NR1H4: variants seen among roughly 807,000 people sequenced by gnomAD.
NR1H4 encodes the protein bile acid receptor.
In NR1H4, 23 loss-of-function variants were observed where a neutral mutation model predicts 58.5. That is an observed-to-expected ratio of 0.39 (90% confidence interval 0.28 to 0.56). NR1H4 has a LOEUF of 0.56. Ranked by LOEUF, NR1H4 falls within the 20% of genes least tolerant of loss-of-function variation. The pLI, the probability that NR1H4 is intolerant of heterozygous loss-of-function variation, is 0.58. For missense variants in NR1H4, 487 were observed against 576.9 expected (o/e 0.84, Z 1.60); for synonymous variants, 214 against 198.0 (o/e 1.08, Z -0.68).
Position 100,515,983 on chromosome 12 carries a change from G to T in NR1H4, c.445+4840G>T, listed in dbSNP as rs985359338. On this transcript the variant is annotated intron_variant, in intron 4 of 10. Transcript: ENST00000392986. ...TTACTGAATCAGAATTTCTGGGAAAGGGGCCCAAGAATCTGTGATTTAACC... is the reference window on the plus strand; with the variant it reads ...TTACTGAATCAGAATTTCTGGGAAATGGGCCCAAGAATCTGTGATTTAACC... 5.2e-4 allele frequency among the ~76,000 whole-genome samples: 79 copies of T among 152,332 alleles called. 1 individual carries two copies. The highest frequency in any genetic ancestry group is 1.7e-3 in the African/African-American group (71 of 41,568).
chr12:100,528,925 G>A (rs910675646), intron 4 of NR1H4, among the ~76,000 whole-genome samples: 2 of 152,142 alleles, frequency 1.3e-5, no homozygotes, highest in Non-Finnish European at 2.9e-5. Context: ...GGGAGGGGTA[G>A]AAGATTATTA....
intron 9 of NR1H4, among the ~76,000 whole-genome samples, chr12:100,543,559 TTGTGTG>T (rs60277729): frequency 6.9e-6 from 1 of 145,634 alleles, no homozygotes; most frequent in Non-Finnish European, 1.5e-5. Context: ...TCTGGACAGA[TTGTGTG>T]TGTGTGTGTG....
intron 3 of NR1H4, among the ~76,000 whole-genome samples, chr12:100,497,374 C>T (rs945398123): frequency 6.6e-6 from 1 of 152,108 alleles, no homozygotes; most frequent in African/African-American, 2.4e-5. Context: ...ATCATCTGAG[C>T]TCGTGTATGA....
At chr12:100,493,435 GAACA>G (rs1236387930) in intron 3 of NR1H4, 33 bp downstream of exon 3, 1 of 1,042,656 alleles carries the variant, frequency 9.6e-7, no homozygotes, top group Admixed American at 1.9e-5. Flanking sequence ...ATATCAATAA[GAACA>G]AACTACGATT....
At chr12:100,529,179 C>G (rs1954632715) in intron 4 of NR1H4, among the ~76,000 whole-genome samples, 1 of 152,180 alleles carries the variant, frequency 6.6e-6, no homozygotes, top group Non-Finnish European at 1.5e-5. Flanking sequence ...AATTCACAAG[C>G]AAGTCCATGA....
intron 9 of NR1H4, among the ~76,000 whole-genome samples, chr12:100,542,362 T>C (rs1344242043): frequency 6.6e-6 from 1 of 151,978 alleles, no homozygotes; most frequent in Admixed American, 6.6e-5. Flanking sequence ...AAAAGAAGCT[T>C]TGTGTCTTAA....
At chr12:100,518,731 GA>G (rs923074077) in intron 4 of NR1H4, among the ~76,000 whole-genome samples, 3 of 149,390 alleles carry the variant, frequency 2.0e-5, no homozygotes, top group African/African-American at 4.9e-5. Flanking sequence ...AAATAGGCAG[GA>G]AAAAAAATGA....
chr12:100,490,786 A>G (rs996882785), intron 1 of NR1H4, among the ~76,000 whole-genome samples: 11 of 152,080 alleles, frequency 7.2e-5, no homozygotes, highest in Admixed American at 6.6e-4. Context: ...GGTCCTGTTA[A>G]TAACAACAAC....
intron 9 of NR1H4, among the ~76,000 whole-genome samples, chr12:100,545,201 G>T (rs111538316): frequency 6.6e-6 from 1 of 152,062 alleles, no homozygotes; most frequent in African/African-American, 2.4e-5. Context: ...CCATTTCCAT[G>T]ATGACCACTG....
chr12:100,554,353 C>A (rs975854157), intron 9 of NR1H4, among the ~76,000 whole-genome samples: 3 of 151,064 alleles, frequency 2.0e-5, no homozygotes, highest in Non-Finnish European at 4.4e-5. Flanking sequence ...ATTTAAGATA[C>A]TAGGATATAT....
At chr12:100,496,695 C>T (rs1176489383) in intron 3 of NR1H4, among the ~76,000 whole-genome samples, 6 of 152,146 alleles carry the variant, frequency 3.9e-5, no homozygotes, top group East Asian at 1.9e-4. Flanking sequence ...ACTTGGTACA[C>T]GGCTCAACAA....
rs140464166 is a variant in NR1H4, at chr12:100,528,264, T to A, written c.446-4194T>A. Among the ~76,000 whole-genome samples the A allele has an allele frequency of 7.8e-3, 1,185 of 151,732 alleles. 6 individuals carry two copies. Among genetic ancestry groups the A allele is most frequent in the Middle Eastern group, 0.017 (5 of 290 alleles). On this transcript the variant is annotated intron_variant, in intron 4 of 10. Coordinates refer to ENST00000392986, the MANE Select transcript of NR1H4 (RefSeq NM_001206979.2). ...GTGTGGTATGTGGCTTCTACCAGTA[T>A]AAAGAAGCATGAGAAGTGCCTGAAC...
chr12:100,540,850 G>C, intron 9 of NR1H4, 32 bp downstream of exon 9: 4 of 1,611,530 alleles, frequency 2.5e-6, no homozygotes, highest in Non-Finnish European at 3.4e-6. Flanking sequence ...AAAAGAGTTT[G>C]TTTCTAGGAG....
In NR1H4 at chr12:100,525,789, C is replaced by G. The variant is rs189117601; in HGVS notation, c.446-6669C>G. ...CTGTTGCTTTCTGTTTTAGGTTATT[C>G]ATTATTGATTCAATTTCTTTAATAG... On this transcript the variant is annotated intron_variant, in intron 4 of 10. Coordinates refer to ENST00000392986, the MANE Select transcript of NR1H4 (RefSeq NM_001206979.2). Among the ~76,000 whole-genome samples the G allele has an allele frequency of 2.6e-5, 4 of 152,244 alleles. No homozygotes were observed. The East Asian group carries it at 7.7e-4, about 29-fold the overall frequency.
chr12:100,549,504 A>G (rs1024860556), intron 9 of NR1H4, among the ~76,000 whole-genome samples: 2 of 152,198 alleles, frequency 1.3e-5, no homozygotes, highest in African/African-American at 4.8e-5. Flanking sequence ...TTGAGACAAG[A>G]GACCTGTAAA....
At chr12:100,509,033 C>T in intron 3 of NR1H4, among the ~76,000 whole-genome samples, 1 of 152,134 alleles carries the variant, frequency 6.6e-6, no homozygotes, top group East Asian at 1.9e-4. Flanking sequence ...CCTGAAAATT[C>T]TGACTTCTAA....
intron 8 of NR1H4, among the ~76,000 whole-genome samples, chr12:100,539,104 G>C (rs532174944): frequency 3.9e-5 from 6 of 152,304 alleles, no homozygotes; most frequent in African/African-American, 1.4e-4. Context: ...TTATCTGAAA[G>C]CAATAGCAAT....
intron 4 of NR1H4, among the ~76,000 whole-genome samples, chr12:100,526,643 C>T (rs956405044): frequency 4.6e-5 from 7 of 152,154 alleles, no homozygotes; most frequent in Non-Finnish European, 7.3e-5. Context: ...ACAACTCAGC[C>T]ACAGTCCAGC....
chr12:100,552,133 A>G (rs1303961207), intron 9 of NR1H4, among the ~76,000 whole-genome samples: 3 of 152,190 alleles, frequency 2.0e-5, no homozygotes, highest in African/African-American at 7.2e-5. Flanking sequence ...CCCAGCACTA[A>G]TATAGTGCCT....
Sources: gnomAD v4.1 joint callset for allele counts (sites outside exome capture counted in the v4.1 genomes callset) on GRCh38, gnomAD v4.1.1 for gene constraint, MANE v1.5 for transcripts, NCBI Gene and HGNC (gene_info 2026-07-23, HGNC 2026-07-21) for gene names.